Variants in RAB40B observed in about 807,000 individuals in gnomAD.
The protein encoded by RAB40B is ras-related protein Rab-40B.
Under a neutral mutation model 24.0 loss-of-function variants are expected in RAB40B, and 21 were observed. The observed-to-expected ratio is 0.88, with a 90% CI of 0.62 to 1.26. The LOEUF is 1.26. RAB40B is among the 50% of genes most tolerant of loss of function. The pLI, the probability that RAB40B is intolerant of heterozygous loss-of-function variation, is 0.00. For synonymous variants in RAB40B, 167 were observed against 169.8 expected (o/e 0.98, Z 0.13); for missense variants, 348 against 390.5 (o/e 0.89, Z 0.92).
intron 1 of RAB40B, among the ~76,000 whole-genome samples, chr17:82,684,619 T>C (rs548686506): frequency 9.5e-4 from 144 of 152,262 alleles, no homozygotes; most frequent in Middle Eastern, 3.4e-3. Flanking sequence ...TTGGTGCACC[T>C]GACAAGTCAG....
Position 82,671,374 on chromosome 17 carries a change from TCTCA to T in RAB40B, c.143-6822_143-6819del, listed in dbSNP as rs2046331356. 2.9e-5 allele frequency among the ~76,000 whole-genome samples: 3 copies of T among 104,024 alleles called. No individual in the cohort carries two copies. In the Admixed American group the frequency reaches 3.0e-4, roughly 10 times the overall value. The allele number at this position is 104,024 out of a possible 152,430, so 68.2% of individuals were successfully genotyped here. ...ACCCCTGTAACTCTAACACACACAC[TCTCA>T]CACACATCCTGTACTCACTGACACA... On this transcript the variant is annotated intron_variant, in intron 1 of 5. Transcript: ENST00000571995.
intron 1 of RAB40B, among the ~76,000 whole-genome samples, chr17:82,684,579 T>C (rs2046478553): frequency 6.6e-6 from 1 of 152,202 alleles, no homozygotes; most frequent in African/African-American, 2.4e-5. Flanking sequence ...GGTTCATCTC[T>C]ACTGTCCCAC....
rs1355072198 is a variant in RAB40B, at chr17:82,659,806, T to C, written c.265-149A>G. On this transcript the variant is annotated intron_variant, in intron 3 of 5. Coordinates refer to ENST00000571995, the MANE Select transcript of RAB40B (RefSeq NM_006822.3). ...ATTTATCAACTGAATGTAGCAGTTT[T>C]ATGATCATTTTCAGTGATATTTCAT... 19 of 644,984 alleles carry C rather than the reference T, an allele frequency of 2.9e-5. No individual in the cohort carries two copies. The East Asian group carries it at 5.1e-4, about 17-fold the overall frequency. The allele number at this position is 644,984 out of a possible 1,614,324, so 40.0% of individuals were successfully genotyped here.
chr17:82,693,847 C>T (rs1172479946), intron 1 of RAB40B, among the ~76,000 whole-genome samples: 1 of 151,912 alleles, frequency 6.6e-6, no homozygotes, highest in Non-Finnish European at 1.5e-5. Flanking sequence ...CTTTGGGAGG[C>T]CGAGGCGGGC....
intron 1 of RAB40B, among the ~76,000 whole-genome samples, chr17:82,695,274 C>T (rs2046597483): frequency 1.3e-5 from 2 of 151,218 alleles, no homozygotes; most frequent in Middle Eastern, 6.8e-3. Flanking sequence ...TCACTTCACC[C>T]TCCACCTCCT....
intron 1 of RAB40B, among the ~76,000 whole-genome samples, chr17:82,666,274 C>T (rs1020167456): frequency 1.3e-5 from 2 of 150,804 alleles, no homozygotes; most frequent in Admixed American, 6.6e-5. Flanking sequence ...GATGGAATTT[C>T]GCTCTTGTTG....
At chr17:82,694,602 A>G (rs1299226641) in intron 1 of RAB40B, among the ~76,000 whole-genome samples, 1 of 151,748 alleles carries the variant, frequency 6.6e-6, no homozygotes, top group Non-Finnish European at 1.5e-5. Context: ...GTTCATACTA[A>G]AAGTTTAACA....
At chr17:82,698,159 G>A (rs1463726955) in intron 1 of RAB40B, among the ~76,000 whole-genome samples, 1 of 152,040 alleles carries the variant, frequency 6.6e-6, no homozygotes, top group African/African-American at 2.4e-5. Flanking sequence ...AGACTGCGGA[G>A]AAGGATGGAG....
chr17:82,692,602 G>T lies in RAB40B; in HGVS notation c.142+5853C>A, dbSNP rs2046569971. ...CCGTGCGATGCGGGGTGGGGGTGGGGGGCATCCGACTGAAAAAAGTGTGTC... is the reference window on the plus strand; with the variant it reads ...CCGTGCGATGCGGGGTGGGGGTGGGTGGCATCCGACTGAAAAAAGTGTGTC... On this transcript the variant is annotated intron_variant, in intron 1 of 5. Transcript: ENST00000571995. The surrounding 1 kb of genome is among the most constrained non-coding windows in gnomAD (Gnocchi z 4.0). Among the ~76,000 whole-genome samples the T allele has an allele frequency of 6.6e-6, 1 of 152,086 alleles. No individual in the cohort carries two copies. The highest frequency in any genetic ancestry group is 1.5e-5 in the Non-Finnish European group (1 of 68,028).
At chr17:82,659,027 T>G in intron 4 of RAB40B, 2 of 317,304 alleles carry the variant, frequency 6.3e-6, no homozygotes. Flanking sequence ...CCAGGGTTGC[T>G]GGCACCGCCG....
intron 1 of RAB40B, among the ~76,000 whole-genome samples, chr17:82,698,162 G>C (rs1267828353): frequency 6.6e-6 from 1 of 152,012 alleles, no homozygotes. Context: ...CTGCGGAGAA[G>C]GATGGAGACT....
chr17:82,664,522 G>A lies in RAB40B; in HGVS notation c.177C>T (p.Asp59=), dbSNP rs137963946. Residue 59 remains aspartate, a synonymous_variant, in exon 2 of 6, where the codon GAC becomes GAT. Transcript: ENST00000571995. The part of the protein sequence containing the change: ...IDYKTTTILL[D]GRRVKLQLWD... Reference sequence around the variant, plus strand: ...AGAGCTGCAGCTTCACCCGCCGCCCGTCCAGCAGGATGGTGGTCGTCTTGT... The same window carrying A: ...AGAGCTGCAGCTTCACCCGCCGCCCATCCAGCAGGATGGTGGTCGTCTTGT... 102 of 1,613,424 alleles carry A rather than the reference G, an allele frequency of 6.3e-5. No individual in the cohort carries two copies. The highest frequency in any genetic ancestry group is 7.2e-5 in the Non-Finnish European group (85 of 1,179,642).
rs3078848 is a variant in RAB40B at position 82,682,121 on chromosome 17, G to GCA, written c.142+16332_142+16333dup. On this transcript the variant is annotated intron_variant, in intron 1 of 5. Transcript: ENST00000571995. Reference sequence around the variant, plus strand: ...CATTACTATACACACACACACGCATGCACACACACACACACACAGGCACGC... The same window carrying GCA: ...CATTACTATACACACACACACGCATGCACACACACACACACACACAGGCACGC... Among the ~76,000 whole-genome samples, 788 of 149,986 alleles carry GCA rather than the reference G, an allele frequency of 5.3e-3. 8 individuals are homozygous for GCA. Among genetic ancestry groups the GCA allele is most frequent in the South Asian group, 0.019 (88 of 4,748 alleles).
chr17:82,662,552 A>C, intron 2 of RAB40B: 1 of 985,142 alleles, frequency 1.0e-6, no homozygotes, highest in South Asian at 4.7e-5. Flanking sequence ...GGGCAGGCAG[A>C]AGACCCAGTT....
chr17:82,666,793 T>TA (rs1403686079), intron 1 of RAB40B, among the ~76,000 whole-genome samples: 1 of 152,160 alleles, frequency 6.6e-6, no homozygotes, highest in Non-Finnish European at 1.5e-5. Context: ...AACTGCTTAG[T>TA]AACAAGACAT....
At chr17:82,671,041 T>G (rs1218804595) in intron 1 of RAB40B, among the ~76,000 whole-genome samples, 1 of 151,974 alleles carries the variant, frequency 6.6e-6, no homozygotes, top group Non-Finnish European at 1.5e-5. Context: ...AGAACATACT[T>G]ACATTCCTAC....
Position 82,658,099 on chromosome 17 carries a change from C to T in RAB40B, c.601G>A (p.Val201Met), listed in dbSNP as rs755955648. The change falls in exon 6 of 6, where the codon GTG becomes ATG. Residue 201 changes from valine to methionine, a missense_variant. Physicochemically the swap from Val to Met is conservative, Grantham distance 21. Transcript: ENST00000571995. ...SLQDLCCRAV[V>M]SCTPVHLVDK... ...ACCAGGTGCACCGGCGTGCAGGACA[C>T]GACCGCCCGGCAGCAGAGGTCTTGC... 5.6e-6 allele frequency: 9 copies of T among 1,614,132 alleles called. No individual in the cohort carries two copies. The highest frequency in any genetic ancestry group is 1.1e-5 in the South Asian group (1 of 91,080).
At chr17:82,659,392 G>T in intron 4 of RAB40B, 188 bp downstream of exon 4, 1 of 589,540 alleles carries the variant, frequency 1.7e-6, no homozygotes. Context: ...CGTGATTGTA[G>T]CTATCACCAA....
intron 1 of RAB40B, among the ~76,000 whole-genome samples, chr17:82,690,016 G>A (rs1325473239): frequency 6.6e-6 from 1 of 151,470 alleles, no homozygotes; most frequent in African/African-American, 2.4e-5. Flanking sequence ...CTTAAGGACT[G>A]CACTATAAAG....
Sources: gnomAD v4.1 joint callset for allele counts (sites outside exome capture counted in the v4.1 genomes callset) on GRCh38, gnomAD v4.1.1 for gene constraint, Gnocchi (gnomAD v3.1) non-coding constraint, MANE v1.5 for transcripts, NCBI Gene and HGNC (gene_info 2026-07-23, HGNC 2026-07-21) for gene names.